YIPF1: variants seen among roughly 807,000 people sequenced by gnomAD.
The protein encoded by YIPF1 is protein YIPF1.
In YIPF1, 22 loss-of-function variants were observed where a neutral mutation model predicts 37.0. The ratio of observed to expected loss-of-function variants is 0.59; its 90% CI spans 0.42 to 0.85. The LOEUF (loss-of-function observed/expected upper bound fraction) is 0.85, where lower values mean the gene tolerates loss of function less well. Ranked by LOEUF, YIPF1 falls within the 40% of genes least tolerant of loss-of-function variation. YIPF1 has a pLI of 0.00. For synonymous variants in YIPF1, 128 were observed against 131.9 expected (o/e 0.97, Z 0.21); for missense variants, 355 against 373.1 (o/e 0.95, Z 0.40).
In YIPF1 at chr1:53,860,083, G is replaced by GCA; in HGVS notation, c.900_901dup (p.Ala301ValfsTer32). ...TCCTCATTAGCTGGACTTGGCTGCA[G>GCA]CAACTGTTTGGTTTGGAGTAGCTGT... On this transcript the variant is annotated frameshift_variant, in exon 10 of 11. Transcript: ENST00000072644. LOFTEE classifies it high-confidence loss of function. 1 of 1,614,126 alleles carries GCA rather than the reference G, an allele frequency of 6.2e-7. No individual in the cohort carries two copies. Among genetic ancestry groups the GCA allele is most frequent in the Non-Finnish European group, 8.5e-7 (1 of 1,180,000 alleles).
In YIPF1 at chr1:53,878,694, G is replaced by C. The variant is rs1031766879; in HGVS notation, c.224C>G (p.Pro75Arg). Residue 75 changes from proline to arginine, a missense_variant, in exon 5 of 11, where the codon CCC becomes CGC. Coordinates refer to ENST00000072644, the MANE Select transcript of YIPF1 (RefSeq NM_018982.5). ...TTGGTAGTATTCAAATGTCCAGAAG[G>C]GGGAGCTTTTCTTCTGTCCAGCAAG... ...ELLAGQKKSS[P>R]FWTFEYYQTF... The C allele has an allele frequency of 8.8e-6, 14 of 1,597,094 alleles. No individual in the cohort carries two copies. In the African/African-American group the frequency reaches 1.8e-4, roughly 20 times the overall value.
In YIPF1 at chr1:53,870,652, A is replaced by G. The variant is rs138376705; in HGVS notation, c.481+720T>C. Among the ~76,000 whole-genome samples the G allele has an allele frequency of 3.4e-4, 52 of 152,304 alleles. No individual in the cohort carries two copies. In the East Asian group the frequency reaches 9.5e-3, roughly 28 times the overall value. On this transcript the variant is annotated intron_variant, in intron 7 of 10. Transcript: ENST00000072644. ...TCTCCAAAATGTGGATAATACAAATAATGCCACACAGGAGACCTTCACACA... is the reference window on the plus strand; with the variant it reads ...TCTCCAAAATGTGGATAATACAAATGATGCCACACAGGAGACCTTCACACA...
At chr1:53,871,335 C>CT (rs1650186105) in intron 7 of YIPF1, 37 bp downstream of exon 7, 1 of 1,579,316 alleles carries the variant, frequency 6.3e-7, no homozygotes. Flanking sequence ...AAGCTAGAAA[C>CT]TGACAGCATT....
At chr1:53,886,237 T>C (rs1347178039) in intron 3 of YIPF1, among the ~76,000 whole-genome samples, 1 of 151,774 alleles carries the variant, frequency 6.6e-6, no homozygotes, top group Non-Finnish European at 1.5e-5. Flanking sequence ...ACCCAGAAGA[T>C]GGAAAGTGTG....
intron 4 of YIPF1, chr1:53,882,876 G>A: frequency 2.7e-6 from 1 of 368,544 alleles, no homozygotes; most frequent in Non-Finnish European, 4.8e-6. Flanking sequence ...GAGCATGGGA[G>A]TCCCACATTC....
chr1:53,870,770 G>A (rs1346785750), intron 7 of YIPF1, among the ~76,000 whole-genome samples: 3 of 151,884 alleles, frequency 2.0e-5, no homozygotes, highest in Non-Finnish European at 2.9e-5. Context: ...CTAGCACCTC[G>A]GGAGGCCAAG....
intron 10 of YIPF1, among the ~76,000 whole-genome samples, chr1:53,859,757 G>A (rs558723118): frequency 5.5e-4 from 83 of 152,292 alleles, no homozygotes; most frequent in African/African-American, 1.9e-3. Context: ...TTCTAGGAAA[G>A]GGTTCAGGGA....
At position 53,871,424 on chromosome 1, in the gene YIPF1, G is replaced by C. The variant is rs933583169; in HGVS notation, c.429C>G (p.Phe143Leu). 1 of 1,613,958 alleles carries C rather than the reference G, an allele frequency of 6.2e-7. No homozygotes were observed. Among genetic ancestry groups the C allele is most frequent in the African/African-American group, 1.3e-5 (1 of 74,918 alleles). Residue 143 changes from phenylalanine (F) to leucine (L), a missense_variant, in exon 7 of 11, where the codon TTC (phenylalanine) becomes TTG (leucine). By Grantham distance (22) the Phe-to-Leu change is conservative. Coordinates refer to ENST00000072644, the MANE Select transcript of YIPF1 (RefSeq NM_018982.5). ...AIAISGNLSN[F>L]LIHLGEKTYH... ...ACGTCTTCTCTCCCAGATGGATCAAGAAGTTGGAAAGATTCCCACTAATTG... is the reference window on the plus strand; with the variant it reads ...ACGTCTTCTCTCCCAGATGGATCAACAAGTTGGAAAGATTCCCACTAATTG...
Position 53,870,160 on chromosome 1 carries a change from CTTTTTTTTTTTTT to C in YIPF1, c.481+1199_481+1211del, listed in dbSNP as rs753978320. On this transcript the variant is annotated intron_variant, in intron 7 of 10. Coordinates refer to ENST00000072644, the MANE Select transcript of YIPF1 (RefSeq NM_018982.5). ...AGGCTTGAGCCACCGCACCGGGTCT[CTTTTTTTTTTTTT>C]TTTTTTTTTTTTTTTTGAGACAGTG... Among the ~76,000 whole-genome samples the C allele has an allele frequency of 4.2e-3, 383 of 91,214 alleles. 8 individuals are homozygous for C. Among genetic ancestry groups the C allele is most frequent in the African/African-American group, 0.015 (346 of 22,614 alleles). 59.8% of individuals were successfully genotyped at this position (91,214 alleles called of 152,430 possible). A position where few individuals can be genotyped will look rare whatever the true frequency, so the allele number is the denominator to read the frequency against.
intron 4 of YIPF1, among the ~76,000 whole-genome samples, chr1:53,881,118 T>C (rs1372854476): frequency 1.3e-5 from 2 of 151,036 alleles, no homozygotes; most frequent in Non-Finnish European, 3.0e-5. Context: ...CAAAAATTAG[T>C]TGGGCATGGT....
intron 7 of YIPF1, among the ~76,000 whole-genome samples, chr1:53,867,642 G>C (rs1396494831): frequency 6.6e-6 from 1 of 152,104 alleles, no homozygotes; most frequent in East Asian, 1.9e-4. Flanking sequence ...GGGATTACAG[G>C]CGTGAGCCAC....
chr1:53,865,960 C>T (rs1281023177), intron 9 of YIPF1, among the ~76,000 whole-genome samples: 3 of 152,020 alleles, frequency 2.0e-5, no homozygotes, highest in Non-Finnish European at 4.4e-5. Flanking sequence ...AGCCACGATG[C>T]CCAGCTAATT....
intron 10 of YIPF1, among the ~76,000 whole-genome samples, chr1:53,854,234 AGAGT>A (rs1344666270): frequency 2.0e-5 from 3 of 149,574 alleles, no homozygotes; most frequent in Non-Finnish European, 4.4e-5. Flanking sequence ...CTTGGGCAAC[AGAGT>A]GAGACTCTGT....
intron 10 of YIPF1, among the ~76,000 whole-genome samples, chr1:53,858,835 C>T (rs1346126684): frequency 1.3e-5 from 2 of 152,140 alleles, no homozygotes; most frequent in Non-Finnish European, 2.9e-5. Flanking sequence ...GGGGTTTTGC[C>T]GCATTGCCCA....
intron 4 of YIPF1, among the ~76,000 whole-genome samples, chr1:53,881,423 T>G (rs1025621279): frequency 6.6e-6 from 1 of 151,998 alleles, no homozygotes; most frequent in Non-Finnish European, 1.5e-5. Context: ...ATCTTCAGAG[T>G]GAACAGACAA....
Position 53,878,073 on chromosome 1 carries a change from C to T in YIPF1, c.364+242G>A, listed in dbSNP as rs143161145. Among the ~76,000 whole-genome samples the T allele has an allele frequency of 5.3e-4, 80 of 152,330 alleles. 1 individual carries two copies. The East Asian group carries it at 0.01, about 20-fold the overall frequency. ...CTGGGATTATAGGCATGAGCCACTGCGCTCAGCCCCATTTAAAGACCTTTG... is the reference window on the plus strand; with the variant it reads ...CTGGGATTATAGGCATGAGCCACTGTGCTCAGCCCCATTTAAAGACCTTTG... On this transcript the variant is annotated intron_variant, in intron 6 of 10. Coordinates refer to ENST00000072644, the MANE Select transcript of YIPF1 (RefSeq NM_018982.5).
intron 6 of YIPF1, among the ~76,000 whole-genome samples, chr1:53,873,709 CG>C (rs1023980728): frequency 3.4e-5 from 5 of 149,088 alleles, no homozygotes; most frequent in Non-Finnish European, 7.4e-5. Context: ...AAAGTGGGGG[CG>C]GGGGGGAATG....
chr1:53,864,918 A>G lies in YIPF1; in HGVS notation c.831+1282T>C, dbSNP rs146789791. Among the ~76,000 whole-genome samples, 1,264 of 152,306 alleles carry G rather than the reference A, an allele frequency of 8.3e-3. 7 individuals are homozygous for G. The highest frequency in any genetic ancestry group is 0.014 in the Non-Finnish European group (922 of 68,030). On this transcript the variant is annotated intron_variant, in intron 9 of 10. Coordinates refer to ENST00000072644, the MANE Select transcript of YIPF1 (RefSeq NM_018982.5). ...AGAACAATCTTGTGGCAGGAAATAT[A>G]CCCATGTCACAGATTAAGAAATTAA...
In YIPF1 at chr1:53,866,796, C is replaced by T; in HGVS notation, c.610G>A (p.Val204Ile). 6.2e-7 allele frequency: 1 copy of T among 1,614,092 alleles called. No homozygotes were observed. Among genetic ancestry groups the T allele is most frequent in the Non-Finnish European group, 8.5e-7 (1 of 1,179,994 alleles). The change falls in exon 8 of 11, where the codon GTC becomes ATC. Residue 204 changes from valine (V) to isoleucine (I), a missense_variant. Physicochemically the swap from Val to Ile is conservative, Grantham distance 29 (BLOSUM62 3). Coordinates refer to ENST00000072644, the MANE Select transcript of YIPF1 (RefSeq NM_018982.5). ...VSYSFLEIVC[V>I]YGYSLFIYIP... Reference sequence around the variant, plus strand: ...TAAATGAAGAGGGAATATCCATAGACACACACAATCTCCAGAAATGAATAG... The same window carrying T: ...TAAATGAAGAGGGAATATCCATAGATACACACAATCTCCAGAAATGAATAG...
Sources: allele counts gnomAD v4.1 joint callset (sites outside exome capture counted in the v4.1 genomes callset), GRCh38; gene constraint gnomAD v4.1.1; transcripts MANE v1.5; gene names NCBI Gene and HGNC (gene_info 2026-07-23, HGNC 2026-07-21).